The following VPS45 variants were observed in gnomAD, a reference collection of about 807,000 sequenced individuals.
VPS45 encodes vacuolar protein sorting 45 homolog.
A neutral mutation model predicts 75.9 loss-of-function variants in VPS45; 35 were observed. The ratio of observed to expected loss-of-function variants is 0.46; its 90% CI spans 0.35 to 0.61. The LOEUF (loss-of-function observed/expected upper bound fraction) is 0.61, where lower values mean the gene tolerates loss of function less well. Among genes scored for constraint, VPS45 ranks in the 20% least tolerant of loss-of-function variants. VPS45 has a pLI of 0.00. For missense variants in VPS45, 559 were observed against 685.9 expected (o/e 0.81, Z 2.07); for synonymous variants, 220 against 238.2 (o/e 0.92, Z 0.70).
chr1:150,107,675 A>G lies in VPS45; in HGVS notation c.1494-2821A>G, dbSNP rs181455778. 1.8e-4 allele frequency among the ~76,000 whole-genome samples: 28 copies of G among 152,316 alleles called. 1 individual carries two copies. The South Asian group carries it at 3.3e-3, about 18-fold the overall frequency. The stretch of plus-strand genomic sequence containing the variant: ...CACTTTGGGAGGCGAAGGCTGGCAG[A>G]TCACCTGAGGTCAGGAGTTCAAGAC... On this transcript the variant is annotated intron_variant, in intron 13 of 14. Transcript: ENST00000644510.
chr1:150,143,012 A>AT (rs1659478438), intron 14 of VPS45: 1 of 318,832 alleles, frequency 3.1e-6, no homozygotes, highest in African/African-American at 2.2e-5. Flanking sequence ...TATTTTATTC[A>AT]TTTACTCAGC....
chr1:150,108,859 TACTC>T (rs1442292735), intron 13 of VPS45, among the ~76,000 whole-genome samples: 1 of 152,112 alleles, frequency 6.6e-6, no homozygotes, highest in East Asian at 1.9e-4. Context: ...CAGGCCCTAA[TACTC>T]ACTGCTCACC....
Position 150,068,720 on chromosome 1 carries a change from A to G in VPS45, c.184A>G (p.Ile62Val). The G allele has an allele frequency of 6.2e-7, 1 of 1,613,128 alleles. No individual in the cohort carries two copies. The highest frequency in any genetic ancestry group is 1.3e-5 in the African/African-American group (1 of 74,980). The change falls in exon 2 of 15, where the codon ATC (isoleucine) becomes GTC (valine). Residue 62 changes from isoleucine (I) to valine (V), a missense_variant. Transcript: ENST00000644510. ...ACGCATTGATTCTCAAAATCGAGAGATCATGAAACACCTGAAGGCAATTTG... is the reference window on the plus strand; with the variant it reads ...ACGCATTGATTCTCAAAATCGAGAGGTCATGAAACACCTGAAGGCAATTTG... The part of the protein sequence containing the change: ...FERIDSQNRE[I>V]MKHLKAICFL...
intron 3 of VPS45, among the ~76,000 whole-genome samples, chr1:150,072,947 A>T (rs1237016773): frequency 6.6e-6 from 1 of 152,162 alleles, no homozygotes; most frequent in Non-Finnish European, 1.5e-5. Flanking sequence ...TTTACTTTAC[A>T]TACCAGATAA....
At chr1:150,113,219 C>G (rs587772382) in intron 14 of VPS45, among the ~76,000 whole-genome samples, 1 of 152,134 alleles carries the variant, frequency 6.6e-6, no homozygotes, top group South Asian at 2.1e-4. Flanking sequence ...CACCAAGAGT[C>G]ATCTCATTGA....
intron 10 of VPS45, among the ~76,000 whole-genome samples, chr1:150,088,205 C>T (rs1656115269): frequency 6.6e-6 from 1 of 151,982 alleles, no homozygotes; most frequent in Non-Finnish European, 1.5e-5. Flanking sequence ...TACCTATTAA[C>T]CAATTTCTAA....
At position 150,070,000 on chromosome 1, in the gene VPS45, C is replaced by T. The variant is rs140295132; in HGVS notation, c.228+1236C>T. Among the ~76,000 whole-genome samples, 1,065 of 152,260 alleles carry T rather than the reference C, an allele frequency of 7.0e-3. 8 individuals are homozygous for T. Among genetic ancestry groups the T allele is most frequent in the Middle Eastern group, 0.034 (10 of 294 alleles). ...ACCATCCCCCTTTTGCACTCTGCAT[C>T]TTAATCACCCTATGTATATCAATCC... On this transcript the variant is annotated intron_variant, in intron 2 of 14. Coordinates refer to ENST00000644510, the MANE Select transcript of VPS45 (RefSeq NM_007259.5).
At chr1:150,114,997 T>G (rs1361774802) in intron 14 of VPS45, among the ~76,000 whole-genome samples, 1 of 152,086 alleles carries the variant, frequency 6.6e-6, no homozygotes, top group Non-Finnish European at 1.5e-5. Flanking sequence ...GTTTAGAATT[T>G]CAGGTTGATA....
At chr1:150,130,031 T>C (rs1658743399) in intron 14 of VPS45, among the ~76,000 whole-genome samples, 1 of 151,920 alleles carries the variant, frequency 6.6e-6, no homozygotes, top group East Asian at 1.9e-4. Context: ...CTAATCTATC[T>C]ATCTATCTAT....
intron 14 of VPS45, among the ~76,000 whole-genome samples, chr1:150,124,893 A>G (rs1658426806): frequency 6.6e-6 from 1 of 151,720 alleles, no homozygotes. Flanking sequence ...ATGTTTTAGA[A>G]TTTTGTTTAT....
In VPS45 at chr1:150,070,723, CGCTTGAACCAGGGAGTCA is replaced by C. The variant is rs587594555; in HGVS notation, c.229-1441_229-1424del. 2.4e-4 allele frequency among the ~76,000 whole-genome samples: 37 copies of C among 151,510 alleles called. No individual in the cohort carries two copies. The East Asian group carries it at 6.6e-3, about 27-fold the overall frequency. ...ACTAGGGAGGCTGAGGCAGGAGAAT[CGCTTGAACCAGGGAGTCA>C]GAGGTTGCAGTAAGCTGAGATCACG... On this transcript the variant is annotated intron_variant, in intron 2 of 14. Coordinates refer to ENST00000644510, the MANE Select transcript of VPS45 (RefSeq NM_007259.5).
chr1:150,086,708 A>G (rs1464062629), intron 10 of VPS45, among the ~76,000 whole-genome samples: 1 of 152,168 alleles, frequency 6.6e-6, no homozygotes, highest in Non-Finnish European at 1.5e-5. Context: ...AAGAAAAGGA[A>G]TACTGGCTCC....
chr1:150,076,186 C>T (rs1553798038), intron 3 of VPS45, 47 bp from the exon 4 acceptor site: 3 of 1,488,506 alleles, frequency 2.0e-6, no homozygotes, highest in East Asian at 2.4e-5. Flanking sequence ...ACATATATTG[C>T]AGCAGAAATT....
intron 14 of VPS45, among the ~76,000 whole-genome samples, chr1:150,119,346 G>A (rs923063126): frequency 1.3e-5 from 2 of 152,176 alleles, no homozygotes; most frequent in Non-Finnish European, 2.9e-5. Flanking sequence ...AATATGATAT[G>A]GAGGAGAAAA....
intron 14 of VPS45, among the ~76,000 whole-genome samples, chr1:150,129,333 T>C (rs1658689995): frequency 6.6e-6 from 1 of 152,188 alleles, no homozygotes; most frequent in Admixed American, 6.5e-5. Context: ...CTGTAACGTA[T>C]ATTTTTTAAT....
Position 150,145,010 on chromosome 1 carries a change from T to C in VPS45, c.*214T>C. 1.6e-6 allele frequency: 2 copies of C among 1,269,042 alleles called. No homozygotes were observed. The highest frequency in any genetic ancestry group is 1.1e-6 in the Non-Finnish European group (1 of 925,990). The allele number at this position is 1,269,042 out of a possible 1,614,324, so 78.6% of individuals were successfully genotyped here. ...CCCATCTCAACCCACTTTTCTCCGG[T>C]AGTCTTTATGTATCTGTTAGCACAA... On this transcript the variant is annotated 3_prime_UTR_variant, in exon 15 of 15. Coordinates refer to ENST00000644510, the MANE Select transcript of VPS45 (RefSeq NM_007259.5).
rs781920624 is a variant in VPS45, at chr1:150,110,491, T to C, written c.1494-5T>C. 5 of 1,610,020 alleles carry C rather than the reference T, an allele frequency of 3.1e-6. No homozygotes were observed. The South Asian group carries it at 4.4e-5, about 14-fold the overall frequency. The stretch of plus-strand genomic sequence containing the variant: ...GTGATAATATCTCATTCTTCATTAT[T>C]GCAGACCTCAGGATATCATTGTGTT... On this transcript the variant is annotated splice_region_variant and splice_polypyrimidine_tract_variant and intron_variant, in intron 13 of 14. Transcript: ENST00000644510.
chr1:150,130,930 C>T (rs927570024), intron 14 of VPS45, among the ~76,000 whole-genome samples: 4 of 151,898 alleles, frequency 2.6e-5, no homozygotes, highest in Admixed American at 6.6e-5. Flanking sequence ...AATTTTCAAA[C>T]GAAGAAATAG....
intron 13 of VPS45, among the ~76,000 whole-genome samples, chr1:150,095,340 A>G (rs1348272737): frequency 6.6e-6 from 1 of 152,212 alleles, no homozygotes; most frequent in East Asian, 1.9e-4. Context: ...CAGACCAGAC[A>G]CGGTGGCTCA....
Sources: gnomAD v4.1 joint callset for allele counts (sites outside exome capture counted in the v4.1 genomes callset) on GRCh38, gnomAD v4.1.1 for gene constraint, MANE v1.5 for transcripts, NCBI Gene and HGNC (gene_info 2026-07-23, HGNC 2026-07-21) for gene names.